Variants in NRXN3 observed in about 807,000 individuals in gnomAD.
NRXN3 encodes the protein neurexin III.
In NRXN3, 32 loss-of-function variants were observed where a neutral mutation model predicts 137.6. The ratio of observed to expected loss-of-function variants is 0.23; its 90% CI spans 0.18 to 0.31. The LOEUF is 0.31. NRXN3 is among the 10% of genes least tolerant of loss of function. The pLI is 1.00. For missense variants in NRXN3, 1,574 were observed against 2,062.5 expected, an observed-to-expected ratio of 0.76 and a Z score of 4.59; for synonymous variants, 798 against 784.5, an observed-to-expected ratio of 1.02 and a Z score of -0.29.
At chr14:79,070,484 A>G (rs73320843) in intron 15 of NRXN3, among the ~76,000 whole-genome samples, 3,689 of 152,292 alleles carry the variant, frequency 0.024, 140 homozygotes, top group African/African-American at 0.081. Context: ...AGAGTCTTCA[A>G]TGCTTTTTGG....
intron 15 of NRXN3, among the ~76,000 whole-genome samples, chr14:79,097,311 T>G (rs8005334): frequency 0.33 from 50,300 of 152,002 alleles, 8,822 homozygotes; most frequent in Admixed American, 0.47. Context: ...ACTGTAACCC[T>G]AGGAGTTTGG....
intron 15 of NRXN3, among the ~76,000 whole-genome samples, chr14:79,015,888 C>T (rs2099578355): frequency 6.6e-6 from 1 of 152,118 alleles, no homozygotes; most frequent in African/African-American, 2.4e-5. Context: ...AGATTTGTTG[C>T]TTATCTAGTA....
chr14:78,951,649 C>T (rs973921646), intron 10 of NRXN3, among the ~76,000 whole-genome samples: 5 of 152,118 alleles, frequency 3.3e-5, no homozygotes, highest in African/African-American at 1.2e-4. Flanking sequence ...CAGATTTTCT[C>T]ACCCCAAAGT....
chr14:79,359,105 A>G (rs190275344), intron 15 of NRXN3, among the ~76,000 whole-genome samples: 6 of 152,318 alleles, frequency 3.9e-5, no homozygotes, highest in Non-Finnish European at 4.4e-5. Flanking sequence ...TAACATTTGT[A>G]TTAGTTTCCA....
intron 15 of NRXN3, among the ~76,000 whole-genome samples, chr14:79,213,732 C>A (rs1303811957): frequency 6.6e-6 from 1 of 152,020 alleles, no homozygotes. Flanking sequence ...AGATAGAACT[C>A]CAACTCTTTG....
intron 4 of NRXN3, among the ~76,000 whole-genome samples, chr14:78,539,496 C>G (rs1172532516): frequency 6.6e-6 from 1 of 152,022 alleles, no homozygotes; most frequent in Non-Finnish European, 1.5e-5. Flanking sequence ...TGATTCTTCT[C>G]TCTTTTCTTC....
intron 15 of NRXN3, among the ~76,000 whole-genome samples, chr14:79,202,856 C>G (rs555133835): frequency 2.6e-5 from 4 of 152,222 alleles, no homozygotes; most frequent in African/African-American, 9.6e-5. Context: ...GTGCAAGAAT[C>G]TTTTTCATAT....
At chr14:78,228,217 C>T (rs2064941895) in intron 1 of NRXN3, among the ~76,000 whole-genome samples, 1 of 144,460 alleles carries the variant, frequency 6.9e-6, no homozygotes, top group South Asian at 2.2e-4. Flanking sequence ...GAGTGTAATG[C>T]GTGATCTCCG....
At chr14:78,532,372 A>ATT (rs1407121785) in intron 4 of NRXN3, among the ~76,000 whole-genome samples, 6 of 93,052 alleles carry the variant, frequency 6.4e-5, no homozygotes, top group East Asian at 6.8e-4. Flanking sequence ...AATTGATGAT[A>ATT]TTTTGTGTGT....
intron 6 of NRXN3, among the ~76,000 whole-genome samples, chr14:78,663,166 T>G (rs569746820): frequency 6.6e-6 from 1 of 152,294 alleles, no homozygotes; most frequent in Admixed American, 6.5e-5. Flanking sequence ...ACATCCTGAT[T>G]TTGCTGCCCT....
intron 10 of NRXN3, among the ~76,000 whole-genome samples, chr14:78,906,642 T>A (rs1440836722): frequency 1.3e-5 from 2 of 152,070 alleles, no homozygotes; most frequent in African/African-American, 4.8e-5. Context: ...TTTTCCCTGA[T>A]CCTAGGCAAG....
chr14:78,640,797 C>G (rs762338366), intron 4 of NRXN3, among the ~76,000 whole-genome samples: 1 of 152,128 alleles, frequency 6.6e-6, no homozygotes, highest in Non-Finnish European at 1.5e-5. Context: ...TGTTGTCATA[C>G]AGAGTTGAGC....
At chr14:78,544,566 C>G (rs1356247224) in intron 4 of NRXN3, among the ~76,000 whole-genome samples, 1 of 152,216 alleles carries the variant, frequency 6.6e-6, no homozygotes, top group Non-Finnish European at 1.5e-5. Context: ...CTTTATATAA[C>G]TTACATGGTG....
intron 19 of NRXN3, among the ~76,000 whole-genome samples, chr14:79,734,442 C>T (rs189769655): frequency 8.5e-5 from 13 of 152,282 alleles, no homozygotes; most frequent in Non-Finnish European, 1.5e-4. Context: ...TGCAGTCTCA[C>T]GTGATACACG....
chr14:78,698,348 C>T (rs918717526), intron 6 of NRXN3: 1 of 152,026 alleles, frequency 6.6e-6, no homozygotes, highest in Non-Finnish European at 1.5e-5. Context: ...CTTTGAGCCT[C>T]TCAGATTAGC....
intron 17 of NRXN3, among the ~76,000 whole-genome samples, chr14:79,690,465 CTGCAGTTCGAAACTGTTAAT>C (rs2098712410): frequency 6.6e-6 from 1 of 152,078 alleles, no homozygotes; most frequent in Non-Finnish European, 1.5e-5. Context: ...AAATTATCCA[CTGCAGTTCGAAACTGTTAAT>C]TGTTCCTATT....
rs1567778599 is a variant in NRXN3, at chr14:78,943,635, T to TAA, written c.2276-13606_2276-13605insAA. 6.7e-3 allele frequency among the ~76,000 whole-genome samples: 183 copies of TAA among 27,290 alleles called. 12 individuals carry two copies. Among genetic ancestry groups the TAA allele is most frequent in the African/African-American group, 0.065 (176 of 2,728 alleles). 17.9% of individuals were successfully genotyped at this position (27,290 alleles called of 152,430 possible). On this transcript the variant is annotated intron_variant, in intron 10 of 20. Transcript: ENST00000335750. ...TAAAAAAAAAAAATATATATATATA[T>TAA]ATATATATATATATATATATATATA...
chr14:78,347,701 C>T (rs993180339), intron 4 of NRXN3, among the ~76,000 whole-genome samples: 1 of 152,162 alleles, frequency 6.6e-6, no homozygotes, highest in Non-Finnish European at 1.5e-5. Context: ...CCCCTTGAGG[C>T]CTTAGTCTCT....
At chr14:79,704,443 G>A (rs1231521750) in intron 19 of NRXN3, among the ~76,000 whole-genome samples, 1 of 152,082 alleles carries the variant, frequency 6.6e-6, no homozygotes. Flanking sequence ...TCCCCTCTGG[G>A]TCCTTCCACC....
Sources: gnomAD v4.1 joint callset for allele counts (sites outside exome capture counted in the v4.1 genomes callset) on GRCh38, gnomAD v4.1.1 for gene constraint, MANE v1.5 for transcripts, NCBI Gene and HGNC (gene_info 2026-07-23, HGNC 2026-07-21) for gene names.